Variants in MCM7 observed in about 807,000 individuals in gnomAD.
MCM7 encodes DNA replication licensing factor MCM7.
MCM7 carries 95 observed loss-of-function variants against 83.5 expected under a neutral mutation model. The observed-to-expected ratio is 1.14, with a 90% confidence interval of 0.96 to 1.35. The LOEUF is 1.35. Ranked by LOEUF, MCM7 falls within the 40% of genes most tolerant of loss-of-function variation. The pLI, the probability that MCM7 is intolerant of heterozygous loss-of-function variation, is 0.00. For synonymous variants in MCM7, 461 were observed against 352.7 expected (o/e 1.31, Z -3.44); for missense variants, 1,087 against 957.4 (o/e 1.14, Z -1.79).
At chr7:100,098,863 C>T in intron 5 of MCM7, 148 bp from the exon 6 acceptor site, 1 of 1,368,902 alleles carries the variant, frequency 7.3e-7, no homozygotes, top group South Asian at 1.4e-5. Context: ...CAACAAACAC[C>T]CAGAAAATAG....
In MCM7 at chr7:100,096,103, G is replaced by A. The variant is rs138898795; in HGVS notation, c.1266C>T (p.Ser422=). 2.5e-5 allele frequency: 41 copies of A among 1,613,922 alleles called. No individual in the cohort carries two copies. The highest frequency in any genetic ancestry group is 1.7e-4 in the African/African-American group (13 of 74,904). Residue 422 remains serine, a synonymous_variant, in exon 11 of 15, where the codon TCC becomes TCT. Transcript: ENST00000303887. ...VGLTAAVLRD[S]VSGELTLEGG... is the part of the protein sequence containing the mutation. The stretch of plus-strand genomic sequence containing the variant: ...CCTCTAAGGTCAGTTCTCCACTCAC[G>A]GAGTCTCTCAGCACAGCTGCCGTAA...
rs768108788 is a variant in MCM7, at chr7:100,095,423, G to T, written c.1643C>A (p.Pro548His). The T allele has an allele frequency of 1.2e-6, 2 of 1,613,898 alleles. No individual in the cohort carries two copies. The highest frequency in any genetic ancestry group is 1.7e-5 in the Admixed American group (1 of 59,980). The change falls in exon 12 of 15, where the codon CCC (proline) becomes CAC (histidine). Residue 548 changes from proline (P) to histidine (H), a missense_variant. Coordinates refer to ENST00000303887, the MANE Select transcript of MCM7 (RefSeq NM_005916.5). ...TYVHQHSRQP[P>H]SQFEPLDMKL... ...CATGTCCAGAGGTTCAAACTGGGAGGGGGGCTGCCGGCTGTGCTGGTGCAC... is the reference window on the plus strand; with the variant it reads ...CATGTCCAGAGGTTCAAACTGGGAGTGGGGCTGCCGGCTGTGCTGGTGCAC...
At chr7:100,097,482 T>G in intron 9 of MCM7, 98 bp from the exon 10 acceptor site, 2 of 1,572,552 alleles carry the variant, frequency 1.3e-6, no homozygotes, top group South Asian at 2.2e-5. Context: ...CACCCAGCAC[T>G]ATTTCTAAGC....
At position 100,100,091 on chromosome 7, in the gene MCM7, T is replaced by C. The variant is rs1468120210; in HGVS notation, c.34A>G (p.Lys12Glu). 4.3e-6 allele frequency: 7 copies of C among 1,613,778 alleles called. No individual in the cohort carries two copies. The highest frequency in any genetic ancestry group is 5.1e-6 in the Non-Finnish European group (6 of 1,179,928). ...ALKDYALEKE[K>E]VKKFLQEFYQ... is the part of the protein sequence containing the mutation. ...AACTCTTGTAAGAACTTCTTAACCT[T>C]TTCTGTAACATGAAATGTAAAACCG... Residue 12 changes from lysine (K) to glutamate (E), a missense_variant and splice_region_variant, in exon 2 of 15, where the codon AAG (lysine) becomes GAG (glutamate). Physicochemically the swap from Lys to Glu is moderately conservative, Grantham distance 56. Coordinates refer to ENST00000303887, the MANE Select transcript of MCM7 (RefSeq NM_005916.5).
rs967406782 is a variant in MCM7 at position 100,097,826 on chromosome 7, C to T, written c.985+8G>A. On this transcript the variant is annotated splice_region_variant and intron_variant, in intron 8 of 14. Coordinates refer to ENST00000303887, the MANE Select transcript of MCM7 (RefSeq NM_005916.5). ...AACGGAATTTCCTCTCTCTCCCCTG[C>T]CCCTCACCTGCAATTTGCCTCAGCT... 2 of 1,614,024 alleles carry T rather than the reference C, an allele frequency of 1.2e-6. No individual in the cohort carries two copies. Among genetic ancestry groups the T allele is most frequent in the Non-Finnish European group, 8.5e-7 (1 of 1,179,922 alleles).
chr7:100,098,048 T>G, intron 7 of MCM7, 93 bp downstream of exon 7: 1 of 1,579,046 alleles, frequency 6.3e-7, no homozygotes, highest in Non-Finnish European at 8.7e-7. Flanking sequence ...TTCTGTTTTG[T>G]TTGGGGTTTT....
rs1220491045 is a variant in MCM7, at chr7:100,097,395, G to T, written c.1118-11C>A. 6.2e-7 allele frequency: 1 copy of T among 1,613,552 alleles called. No individual in the cohort carries two copies. Among genetic ancestry groups the T allele is most frequent in the African/African-American group, 1.3e-5 (1 of 74,920 alleles). On this transcript the variant is annotated splice_polypyrimidine_tract_variant and intron_variant, in intron 9 of 14. Coordinates refer to ENST00000303887, the MANE Select transcript of MCM7 (RefSeq NM_005916.5). ...AGATGTTGATGTTGCCTGGAGGAAG[G>T]GAAGGCAGCCCTGGAATGACTCTTC...
At position 100,093,153 on chromosome 7, in the gene MCM7, G is replaced by A. The variant is rs763685740; in HGVS notation, c.1959-20C>T. 1.4e-5 allele frequency: 22 copies of A among 1,612,028 alleles called. No homozygotes were observed. The East Asian group carries it at 4.7e-4, about 34-fold the overall frequency. The stretch of plus-strand genomic sequence containing the variant: ...TGAGTCCTGAAGGAAATGAGTGGGT[G>A]TGTAAGGTCAGGATACAAACAGGAA... On this transcript the variant is annotated intron_variant, in intron 14 of 14. Coordinates refer to ENST00000303887, the MANE Select transcript of MCM7 (RefSeq NM_005916.5).
chr7:100,098,712 G>A lies in MCM7; in HGVS notation c.586C>T (p.Gln196Ter). ...QCGAETYQPI[Q>*]SPTFMPLIMC... ...ATCAGAGGCATGAAAGTGGGAGACT[G>A]GATCTAGGATGTGAGAACAGAAACA... is the stretch of plus-strand genomic sequence containing the variant. Residue 196 changes from glutamine (Q) to a stop codon, truncating the protein, a stop_gained, in exon 6 of 15, where the codon CAG becomes TAG. Transcript: ENST00000303887. LOFTEE classifies it high-confidence loss of function. 6.2e-7 allele frequency: 1 copy of A among 1,614,124 alleles called. No individual in the cohort carries two copies. The highest frequency in any genetic ancestry group is 8.5e-7 in the Non-Finnish European group (1 of 1,180,006).
chr7:100,096,096 C>T lies in MCM7; in HGVS notation c.1273G>A (p.Gly425Arg). The change falls in exon 11 of 15, where the codon GGA becomes AGA. Residue 425 changes from glycine (G) to arginine (R), a missense_variant. Coordinates refer to ENST00000303887, the MANE Select transcript of MCM7 (RefSeq NM_005916.5). ...TAAVLRDSVS[G>R]ELTLEGGALV... is the part of the protein sequence containing the mutation. ...GCCCCACCCTCTAAGGTCAGTTCTCCACTCACGGAGTCTCTCAGCACAGCT... is the reference window on the plus strand; with the variant it reads ...GCCCCACCCTCTAAGGTCAGTTCTCTACTCACGGAGTCTCTCAGCACAGCT... 6.2e-7 allele frequency: 1 copy of T among 1,614,080 alleles called. No homozygotes were observed. The highest frequency in any genetic ancestry group is 8.5e-7 in the Non-Finnish European group (1 of 1,179,984).
At chr7:100,097,592 C>CCT in intron 9 of MCM7, 22 bp downstream of exon 9, 1 of 1,612,990 alleles carries the variant, frequency 6.2e-7, no homozygotes, top group Non-Finnish European at 8.5e-7. Context: ...CCACCCTGAG[C>CCT]CTCTCCCTTG....
At position 100,092,812 on chromosome 7, in the gene MCM7, G is replaced by A. The variant is rs538226127; in HGVS notation, c.*120C>T. 4 of 1,001,438 alleles carry A rather than the reference G, an allele frequency of 4.0e-6. No individual in the cohort carries two copies. In the Admixed American group the frequency reaches 9.3e-5, roughly 23 times the overall value. 62.0% of individuals were successfully genotyped at this position (1,001,438 alleles called of 1,614,324 possible). ...CTACAAACACTTTTATTAGCAAAAG[G>A]AGTAAGTGCAGCATGGGAGAAAGAG... On this transcript the variant is annotated 3_prime_UTR_variant, in exon 15 of 15. Transcript: ENST00000303887.
At position 100,099,400 on chromosome 7, in the gene MCM7, C is replaced by T. The variant is rs1795816063; in HGVS notation, c.280G>A (p.Val94Ile). ...TAAACGTCCAGGACATCTTTATTTA[C>T]CACCTAAAGGAGAAGAACAAAAAAA... The part of the protein sequence containing the change: ...LLPQYKEREV[V>I]NKDVLDVYIE... Residue 94 changes from valine to isoleucine, a missense_variant, in exon 4 of 15, where the codon GTA becomes ATA. Val to Ile is a conservative substitution (Grantham distance 29). Coordinates refer to ENST00000303887, the MANE Select transcript of MCM7 (RefSeq NM_005916.5). 1.3e-6 allele frequency: 2 copies of T among 1,553,256 alleles called. No individual in the cohort carries two copies. Among genetic ancestry groups the T allele is most frequent in the Non-Finnish European group, 1.8e-6 (2 of 1,137,828 alleles).
chr7:100,095,301 C>T (rs1209461871), intron 12 of MCM7, 86 bp downstream of exon 12: 12 of 1,203,296 alleles, frequency 1.0e-5, no homozygotes, highest in Non-Finnish European at 1.4e-5. Flanking sequence ...GTGTGAAAAA[C>T]ACACACCCTA....
At chr7:100,098,432 T>A in intron 6 of MCM7, 142 bp from the exon 7 acceptor site, 1 of 1,489,260 alleles carries the variant, frequency 6.7e-7, no homozygotes, top group Non-Finnish European at 9.1e-7. Context: ...CCTTTCCCCT[T>A]CCCAAGGCTC....
At position 100,097,820 on chromosome 7, in the gene MCM7, C is replaced by T; in HGVS notation, c.985+14G>A. 1 of 1,614,078 alleles carries T rather than the reference C, an allele frequency of 6.2e-7. No homozygotes were observed. The highest frequency in any genetic ancestry group is 1.1e-5 in the South Asian group (1 of 91,072). On this transcript the variant is annotated intron_variant, in intron 8 of 14. Coordinates refer to ENST00000303887, the MANE Select transcript of MCM7 (RefSeq NM_005916.5). Reference sequence around the variant, plus strand: ...GATGTAAACGGAATTTCCTCTCTCTCCCCTGCCCCTCACCTGCAATTTGCC... The same window carrying T: ...GATGTAAACGGAATTTCCTCTCTCTTCCCTGCCCCTCACCTGCAATTTGCC...
Position 100,094,324 on chromosome 7 carries a change from C to A in MCM7, c.1697G>T (p.Cys566Phe). 1 of 1,614,086 alleles carries A rather than the reference C, an allele frequency of 6.2e-7. No individual in the cohort carries two copies. Among genetic ancestry groups the A allele is most frequent in the Non-Finnish European group, 8.5e-7 (1 of 1,180,040 alleles). ...TGGCACCATGGGCTGCTTCTCGCGG[C>A]ACATGGCTATGTAACGCCTGTGGGG... Reference protein sequence around the residue: ...MKLMRRYIAMCREKQPMVPES... With the variant: ...MKLMRRYIAMFREKQPMVPES... The change falls in exon 13 of 15, where the codon TGC (cysteine) becomes TTC (phenylalanine). Residue 566 changes from cysteine to phenylalanine, a missense_variant. Physicochemically the swap from Cys to Phe is radical, Grantham distance 205. Transcript: ENST00000303887.
At chr7:100,100,208 C>A in intron 1 of MCM7, 115 bp from the exon 2 acceptor site, 9 of 1,466,048 alleles carry the variant, frequency 6.1e-6, no homozygotes, top group Admixed American at 2.5e-5. Context: ...TTTAAATAAA[C>A]CTACCGAAGT....
chr7:100,095,252 G>T (rs1297017054), intron 12 of MCM7, 135 bp downstream of exon 12: 1 of 788,974 alleles, frequency 1.3e-6, no homozygotes, highest in Non-Finnish European at 2.2e-6. Flanking sequence ...CTTAAAAGCT[G>T]ATCTGAGGCT....
Sources: gnomAD v4.1 joint callset for allele counts on GRCh38, gnomAD v4.1.1 for gene constraint, MANE v1.5 for transcripts, NCBI Gene and HGNC (gene_info 2026-07-23, HGNC 2026-07-21) for gene names.